The following BRI3 variants were observed in gnomAD, a reference collection of about 807,000 sequenced individuals.
BRI3 encodes membrane protein BRI3.
In BRI3, 6 loss-of-function variants were observed where a neutral mutation model predicts 12.8. The observed-to-expected ratio is 0.47, with a 90% CI of 0.26 to 0.93. BRI3 has a LOEUF of 0.93. Ranked by LOEUF, BRI3 falls within the 40% of genes least tolerant of loss-of-function variation. BRI3 has a pLI of 0.15. For synonymous variants in BRI3, 91 were observed against 76.1 expected, an observed-to-expected ratio of 1.20 and a Z score of -1.02; for missense variants, 134 against 171.1, an observed-to-expected ratio of 0.78 and a Z score of 1.21.
At chr7:98,319,375 G>A in the BRI3 span, among the ~76,000 whole-genome samples, 9 of 152,276 alleles carry the variant, frequency 5.9e-5, 1 homozygote, top group Middle Eastern at 3.4e-3. Flanking sequence ...CGGGAGCCCC[G>A]GACGGTGCTC....
the BRI3 span, among the ~76,000 whole-genome samples, chr7:98,321,770 G>A: frequency 6.6e-6 from 1 of 152,072 alleles, no homozygotes; most frequent in Non-Finnish European, 1.5e-5. Flanking sequence ...AAGATGTGCC[G>A]GCGGACCATC....
chr7:98,308,660 A>AG (rs1481314099), exon 2 of BRI3: 2 of 232,066 alleles, frequency 8.6e-6, no homozygotes, highest in African/African-American at 2.2e-5. Context: ...GAAAAAAGGT[A>AG]GAAAAAAATA....
chr7:98,310,506 G>A (rs528132030), downstream of BRI3: 1,907 of 1,606,720 alleles, frequency 1.2e-3, 29 homozygotes, highest in South Asian at 0.021. Context: ...TAAACATATC[G>A]ATCAAGGGAC....
At chr7:98,307,648 G>T in exon 2 of BRI3, 1 of 1,607,584 alleles carries the variant, frequency 6.2e-7, no homozygotes, top group Non-Finnish European at 8.5e-7. Context: ...GAAGGGAGGG[G>T]CCGTCTGGTG....
the BRI3 span, among the ~76,000 whole-genome samples, chr7:98,321,630 C>CCT: frequency 6.6e-6 from 1 of 152,174 alleles, no homozygotes; most frequent in Non-Finnish European, 1.5e-5. Context: ...TGAACAAGGG[C>CCT]CTCTCTCTGC....
chr7:98,293,608 A>T, downstream of BRI3: 1 of 1,610,874 alleles, frequency 6.2e-7, no homozygotes, highest in South Asian at 1.1e-5. Flanking sequence ...TGCAGGGGAT[A>T]AGAAAAATCT....
chr7:98,322,501 G>A, the BRI3 span, among the ~76,000 whole-genome samples: 2 of 152,172 alleles, frequency 1.3e-5, no homozygotes, highest in Non-Finnish European at 1.5e-5. Flanking sequence ...GGGATAGGAG[G>A]CCATCATCGG....
At chr7:98,293,603 G>A (rs775169456), downstream of BRI3, 42 of 1,612,120 alleles carry the variant, frequency 2.6e-5, no homozygotes, top group Middle Eastern at 6.7e-4. Context: ...TCCGCTGCAG[G>A]GGATAAGAAA....
At chr7:98,293,556 C>T, downstream of BRI3, 1 of 1,613,942 alleles carries the variant, frequency 6.2e-7, no homozygotes, top group Non-Finnish European at 8.5e-7. Context: ...TCATTCGTCA[C>T]AGTCGGGCGG....
chr7:98,293,332 T>G, downstream of BRI3: 2 of 552,968 alleles, frequency 3.6e-6, no homozygotes, highest in East Asian at 2.8e-5. Flanking sequence ...TATTACTCAT[T>G]TATCTTAAAG....
chr7:98,290,258 CA>C (rs1269533277), intron 2 of BRI3, among the ~76,000 whole-genome samples: 1 of 139,864 alleles, frequency 7.1e-6, no homozygotes, highest in African/African-American at 2.7e-5. Flanking sequence ...TGCAGTGGCA[CA>C]ATCTCGGCTC....
intron 2 of BRI3, among the ~76,000 whole-genome samples, chr7:98,289,200 C>T (rs1251314469): frequency 3.9e-5 from 6 of 152,192 alleles, no homozygotes; most frequent in African/African-American, 1.2e-4. Context: ...TCAGGTCATC[C>T]ACCCACCTCG....
downstream of BRI3, chr7:98,293,733 GT>G: frequency 2.5e-6 from 2 of 791,222 alleles, no homozygotes; most frequent in Non-Finnish European, 4.2e-6. Flanking sequence ...TCCCAGCAGC[GT>G]TTTCTGAGTG....
chr7:98,283,727 A>G (rs942214925), intron 2 of BRI3, among the ~76,000 whole-genome samples: 3 of 151,986 alleles, frequency 2.0e-5, no homozygotes, highest in African/African-American at 7.3e-5. Context: ...CTGCCGGAGG[A>G]GCCGGGTTCC....
At chr7:98,297,780 CG>C, downstream of BRI3, among the ~76,000 whole-genome samples, 1 of 152,262 alleles carries the variant, frequency 6.6e-6, no homozygotes, top group African/African-American at 2.4e-5. Context: ...AGGCCTGCAC[CG>C]GGGGCACTGG....
At chr7:98,290,169 C>A (rs1173017805) in intron 2 of BRI3, among the ~76,000 whole-genome samples, 1 of 148,918 alleles carries the variant, frequency 6.7e-6, no homozygotes, top group Non-Finnish European at 1.5e-5. Context: ...AATGATCATG[C>A]CTCTCAAGGT....
chr7:98,321,952 T>C, the BRI3 span, among the ~76,000 whole-genome samples: 10 of 151,942 alleles, frequency 6.6e-5, no homozygotes, highest in Non-Finnish European at 1.3e-4. Flanking sequence ...AAAAATTAGC[T>C]GGGCATGATG....
At chr7:98,299,700 T>A (rs538975812) in intron 1 of BRI3, among the ~76,000 whole-genome samples, 1 of 152,312 alleles carries the variant, frequency 6.6e-6, no homozygotes. Context: ...TTGTATGATC[T>A]ATTCCTAACT....
At chr7:98,282,596 C>T in intron 2 of BRI3, 143 bp downstream of exon 2, 2 of 680,362 alleles carry the variant, frequency 2.9e-6, no homozygotes, top group Non-Finnish European at 2.5e-6. Context: ...GAGGGACAGA[C>T]AGGCTGCCCG....
Sources: allele counts gnomAD v4.1 joint callset (sites outside exome capture counted in the v4.1 genomes callset), GRCh38; gene constraint gnomAD v4.1.1; transcripts MANE v1.5; gene names NCBI Gene and HGNC (gene_info 2026-07-23, HGNC 2026-07-21).